The following OR2T12 variants were observed in gnomAD, a reference collection of about 807,000 sequenced individuals.
The protein encoded by OR2T12 is olfactory receptor family 2 subfamily T member 12, also known as olfactory receptor 2T12.
For synonymous variants in OR2T12, 127 were observed against 160.5 expected, an observed-to-expected ratio of 0.79 and a Z score of 1.58; for missense variants, 335 against 404.3, an observed-to-expected ratio of 0.83 and a Z score of 1.47.
chr1:248,294,881 T>C lies in OR2T12; in HGVS notation c.698A>G (p.Lys233Arg). The change falls in exon 3 of 3, where the codon AAG becomes AGG. Residue 233 changes from lysine (K) to arginine (R), a missense_variant. Coordinates refer to ENST00000641276, the MANE Select transcript of OR2T12 (RefSeq NM_001004692.2). ...VLLMRSTEAR[K>R]KAFATCSSHV... ...TGAAGAGCAGGTGGCAAAGGCCTTCTTGCGGGCTTCTGTAGAGCGCATGAG... is the reference window on the plus strand; with the variant it reads ...TGAAGAGCAGGTGGCAAAGGCCTTCCTGCGGGCTTCTGTAGAGCGCATGAG... 6.2e-7 allele frequency: 1 copy of C among 1,612,144 alleles called. No individual in the cohort carries two copies. Among genetic ancestry groups the C allele is most frequent in the South Asian group, 1.1e-5 (1 of 90,988 alleles).
chr1:248,300,084 T>TA (rs1374902641), intron 2 of OR2T12, among the ~76,000 whole-genome samples: 1 of 152,086 alleles, frequency 6.6e-6, no homozygotes, highest in Admixed American at 6.6e-5. Flanking sequence ...ACATGTACCC[T>TA]AAAACTTAAA....
Position 248,294,994 on chromosome 1 carries a change from G to A in OR2T12, c.585C>T (p.Asn195=), listed in dbSNP as rs143573448. Residue 195 remains asparagine, a synonymous_variant, in exon 3 of 3, where the codon AAC becomes AAT. Transcript: ENST00000641276. The stretch of plus-strand genomic sequence containing the variant: ...TTAACACACAGCAGATGTACATGGC[G>A]TTTTCGAAGACTGAAGTGTCAGCAC... ...LACADTSVFE[N]AMYICCVLML... 126 of 1,611,206 alleles carry A rather than the reference G, an allele frequency of 7.8e-5. No homozygotes were observed. In the African/African-American group the frequency reaches 1.4e-3, roughly 17 times the overall value.
At chr1:248,295,724 A>G (rs530686103) in intron 2 of OR2T12, 138 bp from the exon 3 acceptor site, 38 of 1,151,256 alleles carry the variant, frequency 3.3e-5, no homozygotes, top group South Asian at 1.4e-4. Context: ...GACTCCCAGT[A>G]GGCACAGCTT....
At position 248,294,899 on chromosome 1, in the gene OR2T12, C is replaced by G; in HGVS notation, c.680G>C (p.Arg227Pro). 1.2e-6 allele frequency: 2 copies of G among 1,611,854 alleles called. No homozygotes were observed. Among genetic ancestry groups the G allele is most frequent in the Non-Finnish European group, 1.7e-6 (2 of 1,179,846 alleles). Residue 227 changes from arginine (R) to proline (P), a missense_variant, in exon 3 of 3, where the codon CGC becomes CCC. Transcript: ENST00000641276. ...GLILAAVLLM[R>P]STEARKKAFA... Reference sequence around the variant, plus strand: ...GGCCTTCTTGCGGGCTTCTGTAGAGCGCATGAGCAGAACAGCAGCGAGGAT... The same window carrying G: ...GGCCTTCTTGCGGGCTTCTGTAGAGGGCATGAGCAGAACAGCAGCGAGGAT...
rs1332391835 is a variant in OR2T12 at position 248,293,931 on chromosome 1, A to T, written c.*685T>A. 5.9e-5 allele frequency: 9 copies of T among 152,122 alleles called. No homozygotes were observed. Among genetic ancestry groups the T allele is most frequent in the Admixed American group, 3.9e-4 (6 of 15,268 alleles). 9.4% of individuals were successfully genotyped at this position (152,122 alleles called of 1,614,324 possible). A position where few individuals can be genotyped will look rare whatever the true frequency, so the allele number is the denominator to read the frequency against. ...CAAATAAAAAGAGACTGGAAAAAATAAAAAAAGATTGTGACAATATAGCAG... is the reference window on the plus strand; with the variant it reads ...CAAATAAAAAGAGACTGGAAAAAATTAAAAAAGATTGTGACAATATAGCAG... On this transcript the variant is annotated 3_prime_UTR_variant, in exon 3 of 3. Coordinates refer to ENST00000641276, the MANE Select transcript of OR2T12 (RefSeq NM_001004692.2).
chr1:248,300,568 G>T (rs1425887738), intron 2 of OR2T12, among the ~76,000 whole-genome samples: 3 of 152,048 alleles, frequency 2.0e-5, no homozygotes, highest in African/African-American at 7.2e-5. Flanking sequence ...ACATTGTATT[G>T]CCTCAATAAT....
intron 2 of OR2T12, among the ~76,000 whole-genome samples, chr1:248,296,260 G>C (rs1052483281): frequency 3.3e-5 from 5 of 152,098 alleles, no homozygotes; most frequent in Admixed American, 6.5e-5. Context: ...ATCATTGTTG[G>C]ACATTTGGGT....
intron 2 of OR2T12, 57 bp from the exon 3 acceptor site, chr1:248,295,643 T>A: frequency 6.5e-7 from 1 of 1,528,930 alleles, no homozygotes; most frequent in Non-Finnish European, 8.8e-7. Context: ...ATGGTCTGAA[T>A]AACTGTTTGA....
chr1:248,299,011 G>T (rs558886241), intron 2 of OR2T12, among the ~76,000 whole-genome samples: 1 of 152,222 alleles, frequency 6.6e-6, no homozygotes, highest in East Asian at 1.9e-4. Flanking sequence ...CACCAGGCCT[G>T]CCCTAAAAGA....
At chr1:248,302,013 G>C (rs6697735) in intron 1 of OR2T12, among the ~76,000 whole-genome samples, 115,261 of 150,636 alleles carry the variant, frequency 0.77, 44,277 homozygotes, top group South Asian at 0.88. Context: ...ATGATGGAAA[G>C]GAGACATTGA....
At chr1:248,297,734 C>T (rs990556095) in intron 2 of OR2T12, among the ~76,000 whole-genome samples, 4 of 149,712 alleles carry the variant, frequency 2.7e-5, no homozygotes, top group African/African-American at 7.4e-5. Flanking sequence ...TGCTTATCAG[C>T]TTAAGGAGAT....
chr1:248,298,533 G>T (rs1342915832), intron 2 of OR2T12, among the ~76,000 whole-genome samples: 1 of 151,772 alleles, frequency 6.6e-6, no homozygotes, highest in Non-Finnish European at 1.5e-5. Flanking sequence ...TTCAGCTCCT[G>T]TTATTGGTCT....
At chr1:248,295,691 C>A in intron 2 of OR2T12, 105 bp from the exon 3 acceptor site, 1 of 1,450,612 alleles carries the variant, frequency 6.9e-7, no homozygotes, top group Non-Finnish European at 9.3e-7. Context: ...GATATGTTAT[C>A]CCAGGTCGTG....
chr1:248,294,978 A>G lies in OR2T12; in HGVS notation c.601T>C (p.Cys201Arg), dbSNP rs1558276519. 1.9e-6 allele frequency: 3 copies of G among 1,611,636 alleles called. No individual in the cohort carries two copies. Among genetic ancestry groups the G allele is most frequent in the Non-Finnish European group, 8.5e-7 (1 of 1,179,818 alleles). The stretch of plus-strand genomic sequence containing the variant: ...AAGGGGACCAGGAGCATTAACACAC[A>G]GCAGATGTACATGGCGTTTTCGAAG... ...SVFENAMYIC[C>R]VLMLLVPFSL... The change falls in exon 3 of 3, where the codon TGT (cysteine) becomes CGT (arginine). Residue 201 changes from cysteine to arginine, a missense_variant. Coordinates refer to ENST00000641276, the MANE Select transcript of OR2T12 (RefSeq NM_001004692.2).
At chr1:248,295,660 A>T (rs933372898) in intron 2 of OR2T12, 74 bp from the exon 3 acceptor site, 1 of 1,515,436 alleles carries the variant, frequency 6.6e-7, no homozygotes, top group South Asian at 1.3e-5. Context: ...TTGACTGCAC[A>T]GTTTCTGGAC....
Position 248,294,926 on chromosome 1 carries a change from A to G in OR2T12, c.653T>C (p.Leu218Pro), listed in dbSNP as rs1411176676. 1 of 1,611,942 alleles carries G rather than the reference A, an allele frequency of 6.2e-7. No individual in the cohort carries two copies. Among genetic ancestry groups the G allele is most frequent in the African/African-American group, 1.3e-5 (1 of 74,932 alleles). Reference protein sequence around the residue: ...PFSLILSSYGLILAAVLLMRS... With the variant: ...PFSLILSSYGPILAAVLLMRS... ...CATGAGCAGAACAGCAGCGAGGATG[A>G]GACCATAGGAGGACAGGATGAGGGA... The change falls in exon 3 of 3, where the codon CTC (leucine) becomes CCC (proline). Residue 218 changes from leucine to proline, a missense_variant. Leu to Pro is a moderately conservative substitution (Grantham distance 98). Transcript: ENST00000641276.
intron 2 of OR2T12, among the ~76,000 whole-genome samples, chr1:248,300,014 T>G (rs1659792563): frequency 6.6e-6 from 1 of 152,064 alleles, no homozygotes; most frequent in Admixed American, 6.5e-5. Flanking sequence ...TATACCAGGA[T>G]CTCTGGGACA....
rs1659644791 is a variant in OR2T12 at position 248,292,360 on chromosome 1, C to T, written c.*2256G>A. 1 of 152,078 alleles carries T rather than the reference C, an allele frequency of 6.6e-6. No individual in the cohort carries two copies. Among genetic ancestry groups the T allele is most frequent in the Admixed American group, 6.6e-5 (1 of 15,266 alleles). The allele number at this position is 152,078 out of a possible 1,614,324, so 9.4% of individuals were successfully genotyped here. A position where few individuals can be genotyped will look rare whatever the true frequency, so the allele number is the denominator to read the frequency against. On this transcript the variant is annotated 3_prime_UTR_variant, in exon 3 of 3. Coordinates refer to ENST00000641276, the MANE Select transcript of OR2T12 (RefSeq NM_001004692.2). ...CCATTCATGCTCTTGTATACTCTGT[C>T]TCTATCAGGTACTCCTTCTTTAACT...
At position 248,294,388 on chromosome 1, in the gene OR2T12, G is replaced by T. The variant is rs1399617775; in HGVS notation, c.*228C>A. ...AAAAAAAGAAAACTTATATCATGGG[G>T]TTGTTGTAGGATACAAAGTAATCTA... On this transcript the variant is annotated 3_prime_UTR_variant, in exon 3 of 3. Transcript: ENST00000641276. The T allele has an allele frequency of 6.3e-6, 3 of 472,976 alleles. No homozygotes were observed. Among genetic ancestry groups the T allele is most frequent in the Non-Finnish European group, 1.1e-5 (3 of 280,036 alleles). 29.3% of individuals were successfully genotyped at this position (472,976 alleles called of 1,614,324 possible). A position where few individuals can be genotyped will look rare whatever the true frequency, so the allele number is the denominator to read the frequency against.
Sources: gnomAD v4.1 joint callset for allele counts (sites outside exome capture counted in the v4.1 genomes callset) on GRCh38, gnomAD v4.1.1 for gene constraint, MANE v1.5 for transcripts, NCBI Gene and HGNC (gene_info 2026-07-23, HGNC 2026-07-21) for gene names.